The following SEMA6A variants were observed in gnomAD, a reference collection of about 807,000 sequenced individuals.
SEMA6A encodes the protein semaphorin 6A, also known as semaphorin-6A.
Under a neutral mutation model 96.8 loss-of-function variants are expected in SEMA6A, and 25 were observed. That is an observed-to-expected ratio of 0.26 (90% CI 0.19 to 0.36). The LOEUF is 0.36. Ranked by LOEUF, SEMA6A falls within the 10% of genes least tolerant of loss-of-function variation. The probability of loss-of-function intolerance (pLI) is 1.00; values close to 1 mark genes in which losing one functional copy is unlikely to be tolerated. For missense variants in SEMA6A, 1,363 were observed against 1,323.1 expected, an observed-to-expected ratio of 1.03 and a Z score of -0.47; for synonymous variants, 612 against 518.0, an observed-to-expected ratio of 1.18 and a Z score of -2.46.
intron 18 of SEMA6A, chr5:116,449,539 G>A: frequency 1.8e-6 from 1 of 543,254 alleles, no homozygotes; most frequent in Non-Finnish European, 3.3e-6. Context: ...GGGTTTTTCT[G>A]CTAAAATATT....
chr5:116,478,515 TAAGA>T, intron 13 of SEMA6A, 23 bp downstream of exon 13: 1 of 1,574,492 alleles, frequency 6.4e-7, no homozygotes, highest in Non-Finnish European at 8.6e-7. Flanking sequence ...AAATAATTAC[TAAGA>T]AAGAACCAAA....
intron 12 of SEMA6A, 34 bp from the exon 13 acceptor site, chr5:116,478,752 G>T: frequency 6.2e-7 from 1 of 1,600,396 alleles, no homozygotes; most frequent in South Asian, 1.1e-5. Context: ...TTATCTCTTT[G>T]TTGGTCTATC....
intron 1 of SEMA6A, among the ~76,000 whole-genome samples, chr5:116,567,189 G>T (rs904014569): frequency 6.6e-6 from 1 of 151,806 alleles, no homozygotes; most frequent in Non-Finnish European, 1.5e-5. Context: ...TCCATGTTTT[G>T]GGTGTGATAT....
intron 1 of SEMA6A, among the ~76,000 whole-genome samples, chr5:116,553,838 G>A (rs1760507900): frequency 6.6e-6 from 1 of 152,068 alleles, no homozygotes; most frequent in African/African-American, 2.4e-5. Context: ...TGATAAGATA[G>A]CTTCTCACAC....
chr5:116,500,270 A>C (rs1757812795), intron 3 of SEMA6A, among the ~76,000 whole-genome samples: 1 of 152,200 alleles, frequency 6.6e-6, no homozygotes, highest in African/African-American at 2.4e-5. Context: ...AGCATAGTAC[A>C]GGGAATGACA....
At chr5:116,462,938 T>C (rs977600060) in intron 18 of SEMA6A, among the ~76,000 whole-genome samples, 10 of 152,328 alleles carry the variant, frequency 6.6e-5, no homozygotes, top group African/African-American at 2.4e-4. Flanking sequence ...TAATATTCTA[T>C]TTAAATTACC....
intron 1 of SEMA6A, among the ~76,000 whole-genome samples, chr5:116,558,041 A>G (rs994951491): frequency 6.6e-6 from 1 of 152,240 alleles, no homozygotes; most frequent in Non-Finnish European, 1.5e-5. Flanking sequence ...TTTACTTCTA[A>G]TATGCCTTTA....
chr5:116,486,868 C>G lies in SEMA6A; in HGVS notation c.843G>C (p.Leu281Phe), dbSNP rs1302939184. 2 of 1,613,822 alleles carry G rather than the reference C, an allele frequency of 1.2e-6. No individual in the cohort carries two copies. Among genetic ancestry groups the G allele is most frequent in the Admixed American group, 3.3e-5 (2 of 60,014 alleles). Residue 281 changes from leucine (L) to phenylalanine (F), a missense_variant, in exon 10 of 19, where the codon TTG (leucine) becomes TTC (phenylalanine). Transcript: ENST00000343348. ...KQWTSFLKARLNCSVPGDSHF... is the reference protein window; with the variant it reads ...KQWTSFLKARFNCSVPGDSHF... ...GAGAGTCTCCAGGAACTGAGCAGTTCAAGCGCGCCTTCAGGAACGACGTCC... is the reference window on the plus strand; with the variant it reads ...GAGAGTCTCCAGGAACTGAGCAGTTGAAGCGCGCCTTCAGGAACGACGTCC...
intron 1 of SEMA6A, among the ~76,000 whole-genome samples, chr5:116,533,779 G>C (rs1050262904): frequency 2.6e-5 from 4 of 152,116 alleles, no homozygotes; most frequent in African/African-American, 9.7e-5. Context: ...GACAAACAAA[G>C]GTCCTGGGGC....
chr5:116,564,949 T>C (rs1352702763), intron 1 of SEMA6A, among the ~76,000 whole-genome samples: 2 of 152,214 alleles, frequency 1.3e-5, no homozygotes, highest in African/African-American at 4.8e-5. Context: ...ACAGCAATCA[T>C]GATGTCATTT....
chr5:116,524,243 CTATCTCCCAGCCT>C (rs1759103413), intron 1 of SEMA6A, among the ~76,000 whole-genome samples: 1 of 152,146 alleles, frequency 6.6e-6, no homozygotes. Flanking sequence ...ACGAGGAAGC[CTATCTCCCAGCCT>C]TATCAAACCC....
intron 18 of SEMA6A, among the ~76,000 whole-genome samples, chr5:116,451,230 T>C (rs1754613837): frequency 6.6e-6 from 1 of 152,214 alleles, no homozygotes; most frequent in Non-Finnish European, 1.5e-5. Flanking sequence ...TTAAATGCTG[T>C]AGTTTGCTGG....
chr5:116,467,463 A>G lies in SEMA6A; in HGVS notation c.1894+120T>C, dbSNP rs1033211380. Reference sequence around the variant, plus strand: ...TTGCAGTCTTTTTCGAGAAACTTTCAATCATAGCGCATTGGAGGTTCCTTA... The same window carrying G: ...TTGCAGTCTTTTTCGAGAAACTTTCGATCATAGCGCATTGGAGGTTCCTTA... On this transcript the variant is annotated intron_variant, in intron 18 of 18. Coordinates refer to ENST00000343348, the MANE Select transcript of SEMA6A (RefSeq NM_020796.5). 2.9e-5 allele frequency: 27 copies of G among 946,286 alleles called. No individual in the cohort carries two copies. The South Asian group carries it at 4.9e-4, about 17-fold the overall frequency. The allele number at this position is 946,286 out of a possible 1,614,324, so 58.6% of individuals were successfully genotyped here.
rs1013501396 is a variant in SEMA6A at position 116,447,663 on chromosome 5, C to T, written c.2043G>A (p.Val681=). ...YCVCDHRRKD[V]AVVQRKEKEL... The stretch of plus-strand genomic sequence containing the variant: ...CCTTCTCCTTGCGCTGCACCACAGC[C>T]ACGTCTTTGCGCCGATGATCACAGA... Residue 681 remains valine, a synonymous_variant, in exon 19 of 19, where the codon GTG becomes GTA. Transcript: ENST00000343348. 1 of 1,614,042 alleles carries T rather than the reference C, an allele frequency of 6.2e-7. No homozygotes were observed. Among genetic ancestry groups the T allele is most frequent in the African/African-American group, 1.3e-5 (1 of 75,066 alleles).
intron 1 of SEMA6A, among the ~76,000 whole-genome samples, chr5:116,509,843 C>G (rs1758327856): frequency 3.3e-5 from 5 of 152,200 alleles, no homozygotes; most frequent in Admixed American, 3.3e-4. Flanking sequence ...GTGTCAGCCA[C>G]TCTCTGAGAT....
chr5:116,489,954 G>T (rs1440488088), intron 7 of SEMA6A, among the ~76,000 whole-genome samples: 1 of 152,166 alleles, frequency 6.6e-6, no homozygotes, highest in Non-Finnish European at 1.5e-5. Context: ...TTAGTGGATT[G>T]CAGATATTCA....
chr5:116,545,212 G>A (rs1198341631), intron 1 of SEMA6A, among the ~76,000 whole-genome samples: 1 of 152,174 alleles, frequency 6.6e-6, no homozygotes, highest in Non-Finnish European at 1.5e-5. Context: ...CTTAGATTGT[G>A]CGGTCTGGCT....
chr5:116,456,394 T>C (rs1055493864), intron 18 of SEMA6A, among the ~76,000 whole-genome samples: 3 of 152,206 alleles, frequency 2.0e-5, no homozygotes, highest in East Asian at 1.9e-4. Context: ...TAAGGTCTCA[T>C]TGGATAATTT....
chr5:116,537,929 C>G (rs1012311978), intron 1 of SEMA6A, among the ~76,000 whole-genome samples: 1 of 152,176 alleles, frequency 6.6e-6, no homozygotes, highest in Non-Finnish European at 1.5e-5. Context: ...ATAATCCCAG[C>G]ACTTTGGGAG....
Sources: allele counts gnomAD v4.1 joint callset (sites outside exome capture counted in the v4.1 genomes callset), GRCh38; gene constraint gnomAD v4.1.1; transcripts MANE v1.5; gene names NCBI Gene and HGNC (gene_info 2026-07-23, HGNC 2026-07-21).